The following ATP6V1H variants were observed in gnomAD, a reference collection of about 807,000 sequenced individuals.
The protein encoded by ATP6V1H is ATPase H+ transporting V1 subunit H.
In ATP6V1H, 39 loss-of-function variants were observed where a neutral mutation model predicts 71.7. The ratio of observed to expected loss-of-function variants is 0.54; its 90% CI spans 0.42 to 0.71. ATP6V1H has a LOEUF of 0.71. Ranked by LOEUF, ATP6V1H falls within the 30% of genes least tolerant of loss-of-function variation. The pLI, the probability that ATP6V1H is intolerant of heterozygous loss-of-function variation, is 0.00. For missense variants in ATP6V1H, 509 were observed against 594.9 expected (o/e 0.86, Z 1.50); for synonymous variants, 192 against 199.3 (o/e 0.96, Z 0.31).
At chr8:53,784,808 G>A (rs929378357) in intron 9 of ATP6V1H, among the ~76,000 whole-genome samples, 2 of 152,120 alleles carry the variant, frequency 1.3e-5, no homozygotes, top group Non-Finnish European at 2.9e-5. Flanking sequence ...GCTTAGTTTG[G>A]CTGGATATGA....
intron 7 of ATP6V1H, among the ~76,000 whole-genome samples, chr8:53,808,475 T>A (rs1210043992): frequency 1.3e-5 from 2 of 152,192 alleles, no homozygotes; most frequent in African/African-American, 4.8e-5. Context: ...GTCATTTAAA[T>A]AAAAATGTTT....
At position 53,810,612 on chromosome 8, in the gene ATP6V1H, CG is replaced by C. The variant is rs1810242337; in HGVS notation, c.579+551del. Reference sequence around the variant, plus strand: ...AAAATTAGCTGGGTGTGGTGGCGGGCGCTTGTAGTCCCAGCTACTCGGGAGG... The same window carrying C: ...AAAATTAGCTGGGTGTGGTGGCGGGCCTTGTAGTCCCAGCTACTCGGGAGG... On this transcript the variant is annotated intron_variant, in intron 7 of 13. Coordinates refer to ENST00000359530, the MANE Select transcript of ATP6V1H (RefSeq NM_015941.4). Among the ~76,000 whole-genome samples, 5 of 152,102 alleles carry C rather than the reference CG, an allele frequency of 3.3e-5. No individual in the cohort carries two copies. In the South Asian group the frequency reaches 1.0e-3, roughly 32 times the overall value.
chr8:53,782,541 C>T (rs1458283279), intron 9 of ATP6V1H, among the ~76,000 whole-genome samples: 1 of 152,118 alleles, frequency 6.6e-6, no homozygotes, highest in African/African-American at 2.4e-5. Flanking sequence ...ATTTCCTTCT[C>T]CTGCCTGATT....
intron 13 of ATP6V1H, among the ~76,000 whole-genome samples, chr8:53,718,746 T>C (rs969552133): frequency 2.0e-5 from 3 of 152,214 alleles, no homozygotes; most frequent in African/African-American, 7.2e-5. Flanking sequence ...TACTTCTTCC[T>C]GACCTAAGTA....
At chr8:53,816,771 G>A (rs1446079399) in intron 5 of ATP6V1H, among the ~76,000 whole-genome samples, 1 of 152,090 alleles carries the variant, frequency 6.6e-6, no homozygotes, top group Admixed American at 6.5e-5. Flanking sequence ...ACTTCAGTCT[G>A]GCAACAGAGT....
rs187219229 is a variant in ATP6V1H at position 53,726,310 on chromosome 8, T to A, written c.1392-10286A>T. ...CAATTTTTTCCAAATTGGAAGCTTT[T>A]TTCCCTTAAAGCTTCAAATTAAAAA... is the stretch of plus-strand genomic sequence containing the variant. On this transcript the variant is annotated intron_variant, in intron 13 of 13. Transcript: ENST00000359530. Among the ~76,000 whole-genome samples, 1,262 of 152,342 alleles carry A rather than the reference T, an allele frequency of 8.3e-3. 13 individuals carry two copies. Among genetic ancestry groups the A allele is most frequent in the Non-Finnish European group, 0.013 (882 of 68,022 alleles).
chr8:53,738,341 C>T (rs1032758677), intron 13 of ATP6V1H, among the ~76,000 whole-genome samples: 16 of 151,310 alleles, frequency 1.1e-4, no homozygotes, highest in African/African-American at 3.9e-4. Flanking sequence ...ACACACAAAG[C>T]CCATGAAATG....
chr8:53,824,701 C>A (rs1005860630), intron 4 of ATP6V1H, among the ~76,000 whole-genome samples: 1 of 151,896 alleles, frequency 6.6e-6, no homozygotes, highest in Admixed American at 6.6e-5. Context: ...AATAATAGCA[C>A]TCAAAAACTA....
rs78478641 is a variant in ATP6V1H at position 53,754,201 on chromosome 8, G to A, written c.1277+2354C>T. Among the ~76,000 whole-genome samples, 328 of 152,306 alleles carry A rather than the reference G, an allele frequency of 2.2e-3. 8 individuals carry two copies. In the East Asian group the frequency reaches 0.054, roughly 25 times the overall value. ...TTGCAAGAAGTTCAGAAAGATGAGA[G>A]ATAGGAGTGCAAAAGGCTTATTGGG... On this transcript the variant is annotated intron_variant, in intron 12 of 13. Coordinates refer to ENST00000359530, the MANE Select transcript of ATP6V1H (RefSeq NM_015941.4).
chr8:53,814,637 G>C (rs1346553546), intron 6 of ATP6V1H, 25 bp downstream of exon 6: 2 of 1,278,900 alleles, frequency 1.6e-6, no homozygotes, highest in South Asian at 2.5e-5. Flanking sequence ...TCCTTTCAAA[G>C]GTACTTTAAA....
intron 9 of ATP6V1H, among the ~76,000 whole-genome samples, chr8:53,782,057 G>GT (rs1344506260): frequency 3.3e-5 from 5 of 152,142 alleles, no homozygotes; most frequent in Admixed American, 6.6e-5. Flanking sequence ...CGTTAAAGTA[G>GT]TTTTTTCCAA....
chr8:53,745,106 G>A (rs1807551998), intron 12 of ATP6V1H, among the ~76,000 whole-genome samples: 1 of 151,976 alleles, frequency 6.6e-6, no homozygotes, highest in African/African-American at 2.4e-5. Context: ...CTTAACAAAA[G>A]GACCCAGGCC....
At chr8:53,765,183 C>T (rs967536744) in intron 11 of ATP6V1H, among the ~76,000 whole-genome samples, 1 of 151,942 alleles carries the variant, frequency 6.6e-6, no homozygotes, top group Non-Finnish European at 1.5e-5. Context: ...GTGGGCAGAT[C>T]ACGAGGTCAG....
At chr8:53,804,243 T>C (rs1324214130) in intron 7 of ATP6V1H, among the ~76,000 whole-genome samples, 1 of 152,226 alleles carries the variant, frequency 6.6e-6, no homozygotes, top group Non-Finnish European at 1.5e-5. Context: ...CATTACTTCC[T>C]GGTCTTTCAC....
chr8:53,721,343 T>G (rs1007047183), intron 13 of ATP6V1H, among the ~76,000 whole-genome samples: 3 of 152,206 alleles, frequency 2.0e-5, no homozygotes, highest in African/African-American at 4.8e-5. Context: ...CCCTCTCTCA[T>G]CTGTATCTAA....
chr8:53,761,858 C>G (rs1207482666), intron 11 of ATP6V1H, among the ~76,000 whole-genome samples: 1 of 152,048 alleles, frequency 6.6e-6, no homozygotes, highest in African/African-American at 2.4e-5. Flanking sequence ...AAGTATAAAT[C>G]TATAAGGAAG....
At chr8:53,836,965 ACT>A (rs1238260058) in intron 2 of ATP6V1H, among the ~76,000 whole-genome samples, 16 of 151,938 alleles carry the variant, frequency 1.1e-4, no homozygotes, top group African/African-American at 3.9e-4. Flanking sequence ...ACATGGTGAA[ACT>A]CTGTCTCCAC....
intron 13 of ATP6V1H, among the ~76,000 whole-genome samples, chr8:53,724,878 A>G (rs540204380): frequency 9.2e-5 from 14 of 151,836 alleles, no homozygotes; most frequent in Non-Finnish European, 1.8e-4. Flanking sequence ...AAATAACAGC[A>G]CCTATACTAG....
chr8:53,789,377 A>G lies in ATP6V1H; in HGVS notation c.870+6270T>C, dbSNP rs144177949. 2.6e-3 allele frequency among the ~76,000 whole-genome samples: 390 copies of G among 152,278 alleles called. 1 individual carries two copies. The highest frequency in any genetic ancestry group is 4.3e-3 in the Non-Finnish European group (291 of 68,020). On this transcript the variant is annotated intron_variant, in intron 9 of 13. Coordinates refer to ENST00000359530, the MANE Select transcript of ATP6V1H (RefSeq NM_015941.4). ...TAGATTAAATCTCAGCCCATTATTA[A>G]AAATTAGTACCTGGGCCAGGCACGG...
Sources: gnomAD v4.1 joint callset for allele counts (sites outside exome capture counted in the v4.1 genomes callset) on GRCh38, gnomAD v4.1.1 for gene constraint, MANE v1.5 for transcripts, NCBI Gene and HGNC (gene_info 2026-07-23, HGNC 2026-07-21) for gene names.